Variants in PDE1A observed in about 807,000 individuals in gnomAD.
PDE1A encodes the protein phosphodiesterase 1A.
Under a neutral mutation model 61.7 loss-of-function variants are expected in PDE1A, and 35 were observed. That is an observed-to-expected ratio of 0.57 (90% confidence interval 0.43 to 0.75). The LOEUF is 0.75. Ranked by LOEUF, PDE1A falls within the 30% of genes least tolerant of loss-of-function variation. The pLI is 0.00. For synonymous variants in PDE1A, 232 were observed against 213.2 expected, an observed-to-expected ratio of 1.09 and a Z score of -0.77; for missense variants, 597 against 630.6, an observed-to-expected ratio of 0.95 and a Z score of 0.57.
At chr2:182,585,028 G>C in the PDE1A span, among the ~76,000 whole-genome samples, 3 of 152,116 alleles carry the variant, frequency 2.0e-5, no homozygotes, top group African/African-American at 7.2e-5. Flanking sequence ...TTTGAAAAAC[G>C]TTATAAAGCA....
At chr2:182,527,437 A>C (rs1039379164), upstream of PDE1A, among the ~76,000 whole-genome samples, 5 of 142,864 alleles carry the variant, frequency 3.5e-5, no homozygotes, top group African/African-American at 1.3e-4. Flanking sequence ...GTGTGCCTGT[A>C]GTCCCTGCTA....
the PDE1A span, among the ~76,000 whole-genome samples, chr2:182,589,963 T>C: frequency 2.0e-5 from 3 of 152,214 alleles, no homozygotes; most frequent in Non-Finnish European, 4.4e-5. Context: ...TTTGGTGCTC[T>C]CCATTTGAAA....
At chr2:182,166,172 G>A (rs1325204826), downstream of PDE1A, among the ~76,000 whole-genome samples, 4 of 152,046 alleles carry the variant, frequency 2.6e-5, no homozygotes, top group African/African-American at 7.2e-5. Context: ...CTGGATTGAG[G>A]GATGCCTAGA....
At chr2:182,646,328 T>C in the PDE1A span, among the ~76,000 whole-genome samples, 1 of 146,600 alleles carries the variant, frequency 6.8e-6, no homozygotes, top group Non-Finnish European at 1.5e-5. Context: ...GGTGCGTACC[T>C]GTAGTCCCAG....
At chr2:182,256,147 C>A (rs1691792763) in intron 2 of PDE1A, among the ~76,000 whole-genome samples, 1 of 138,614 alleles carries the variant, frequency 7.2e-6, no homozygotes, top group Non-Finnish European at 1.5e-5. Context: ...AGGTTAGTTA[C>A]ATATGTATAC....
chr2:182,288,445 C>G (rs1475772407), intron 1 of PDE1A, among the ~76,000 whole-genome samples: 1 of 152,104 alleles, frequency 6.6e-6, no homozygotes, highest in Non-Finnish European at 1.5e-5. Flanking sequence ...GTTTGAATAT[C>G]ATCATTTTCA....
chr2:182,563,399 G>C, the PDE1A span, among the ~76,000 whole-genome samples: 1 of 152,124 alleles, frequency 6.6e-6, no homozygotes, highest in African/African-American at 2.4e-5. Flanking sequence ...GTTCTAGTTT[G>C]ATTGCACTGT....
chr2:182,706,102 C>T, the PDE1A span, among the ~76,000 whole-genome samples: 1 of 152,116 alleles, frequency 6.6e-6, no homozygotes, highest in Non-Finnish European at 1.5e-5. Context: ...TCAGGTATAA[C>T]AAATCCAAAA....
At chr2:182,659,271 T>G in the PDE1A span, among the ~76,000 whole-genome samples, 1 of 152,186 alleles carries the variant, frequency 6.6e-6, no homozygotes, top group East Asian at 1.9e-4. Flanking sequence ...TAAGGAATAG[T>G]CTAAGTGTGA....
intron 1 of PDE1A, among the ~76,000 whole-genome samples, chr2:182,347,967 T>TG (rs1356379636): frequency 6.6e-6 from 1 of 152,104 alleles, no homozygotes; most frequent in Non-Finnish European, 1.5e-5. Context: ...CACGTAGTTT[T>TG]GGGGAAAAAG....
At chr2:182,639,243 CAGA>C in the PDE1A span, among the ~76,000 whole-genome samples, 1 of 151,954 alleles carries the variant, frequency 6.6e-6, no homozygotes, top group Non-Finnish European at 1.5e-5. Context: ...AGTAAGAAAA[CAGA>C]AGAAGATGAA....
At chr2:182,621,654 GTTTTTGGT>G in the PDE1A span, among the ~76,000 whole-genome samples, 1 of 151,806 alleles carries the variant, frequency 6.6e-6, no homozygotes, top group Non-Finnish European at 1.5e-5. Flanking sequence ...TGTTGTCATA[GTTTTTGGT>G]TTCCAAAAGA....
intron 13 of PDE1A, among the ~76,000 whole-genome samples, chr2:182,155,145 G>A (rs553791194): frequency 7.0e-6 from 1 of 143,432 alleles, no homozygotes; most frequent in African/African-American, 2.6e-5. Context: ...GGAGTGCAAT[G>A]GTGCCATCAT....
the PDE1A span, among the ~76,000 whole-genome samples, chr2:182,675,738 G>C: frequency 6.6e-6 from 1 of 152,026 alleles, no homozygotes; most frequent in East Asian, 1.9e-4. Flanking sequence ...TATACTTGTT[G>C]ATCACATGCA....
intron 2 of PDE1A, among the ~76,000 whole-genome samples, chr2:182,468,509 C>T (rs552849006): frequency 7.9e-5 from 12 of 152,112 alleles, no homozygotes; most frequent in Non-Finnish European, 5.9e-5. Flanking sequence ...ATTTTCACCA[C>T]ATCTGCAGTC....
intron 1 of PDE1A, among the ~76,000 whole-genome samples, chr2:182,328,160 A>G (rs1474331529): frequency 6.6e-6 from 1 of 152,228 alleles, no homozygotes; most frequent in Non-Finnish European, 1.5e-5. Context: ...GCAGAGACCA[A>G]GAAGGTGTGA....
intron 1 of PDE1A, among the ~76,000 whole-genome samples, chr2:182,301,044 C>A (rs975692936): frequency 2.6e-5 from 4 of 152,062 alleles, no homozygotes; most frequent in Non-Finnish European, 1.5e-5. Context: ...ATGGGTTTAG[C>A]TTTTCTAAGT....
At chr2:182,238,889 A>G (rs1449368855) in intron 3 of PDE1A, among the ~76,000 whole-genome samples, 1 of 152,122 alleles carries the variant, frequency 6.6e-6, no homozygotes, top group African/African-American at 2.4e-5. Flanking sequence ...CACAGTTTAC[A>G]TTTTTTCCCA....
At chr2:182,563,572 C>T in the PDE1A span, among the ~76,000 whole-genome samples, 238 of 152,226 alleles carry the variant, frequency 1.6e-3, no homozygotes, top group African/African-American at 5.6e-3. Context: ...TCTATTAGGT[C>T]TGCTTGGTGC....
Sources: allele counts gnomAD v4.1 joint callset (sites outside exome capture counted in the v4.1 genomes callset), GRCh38; gene constraint gnomAD v4.1.1; transcripts MANE v1.5; gene names NCBI Gene and HGNC (gene_info 2026-07-23, HGNC 2026-07-21).